PPP1R3F: variants seen among roughly 807,000 people sequenced by gnomAD.
The protein encoded by PPP1R3F is protein phosphatase 1 regulatory subunit 3F.
A neutral mutation model predicts 24.2 loss-of-function variants in PPP1R3F; 29 were observed. The ratio of observed to expected loss-of-function variants is 1.20; its 90% CI spans 0.89 to 1.63. The LOEUF (loss-of-function observed/expected upper bound fraction) is 1.63, where lower values mean the gene tolerates loss of function less well. Among genes scored for constraint, PPP1R3F ranks in the 40% most tolerant of loss-of-function variants. PPP1R3F has a pLI of 0.00. For missense variants in PPP1R3F, 823 were observed against 729.3 expected (o/e 1.13, Z -1.48); for synonymous variants, 363 against 340.1 (o/e 1.07, Z -0.74).
rs782392264 is a variant in PPP1R3F, at chrX:49,286,793, G to A, written c.2103G>A (p.Gly701=). 1 of 1,203,507 alleles carries A rather than the reference G, an allele frequency of 8.3e-7. No individual in the cohort carries two copies. The highest frequency in any genetic ancestry group is 1.1e-6 in the Non-Finnish European group (1 of 890,877). The change falls in exon 4 of 4, where the codon GGG becomes GGA. Residue 701 remains glycine (G), a synonymous_variant. Transcript: ENST00000055335. ...KEPASPVLLQ[G]QNPTLLSPLG... is the part of the protein sequence containing the mutation. The stretch of plus-strand genomic sequence containing the variant: ...CAGCCTCTCCCGTCCTTCTGCAGGG[G>A]CAAAATCCCACCCTCCTCAGTCCCT...
chrX:49,286,989 CTG>C lies in PPP1R3F; in HGVS notation c.2300_2301del (p.Leu767ArgfsTer52). The C allele has an allele frequency of 1.7e-6, 2 of 1,211,839 alleles. No homozygotes were observed. The highest frequency in any genetic ancestry group is 2.2e-6 in the Non-Finnish European group (2 of 895,465). On this transcript the variant is annotated frameshift_variant, in exon 4 of 4. Coordinates refer to ENST00000055335, the MANE Select transcript of PPP1R3F (RefSeq NM_033215.5). LOFTEE classifies it high-confidence loss of function. ...GCTCCGGGGGCCCTTGACCCAGACT[CTG>C]GGGGTCCTGGCCGGGCTAGTGGTGG... ...PQLRGPLTQT[L>X]GVLAGLVVVP... is the part of the protein sequence containing the mutation.
chrX:49,270,399 A>C lies in PPP1R3F; in HGVS notation c.530A>C (p.Lys177Thr). 6.0e-6 allele frequency: 7 copies of C among 1,172,334 alleles called. No individual in the cohort carries two copies. The highest frequency in any genetic ancestry group is 7.9e-6 in the Non-Finnish European group (7 of 881,717). The change falls in exon 1 of 4, where the codon AAG becomes ACG. Residue 177 changes from lysine (K) to threonine (T), a missense_variant. Lys to Thr is a moderately conservative substitution (Grantham distance 78, BLOSUM62 -1). Transcript: ENST00000055335. The stretch of plus-strand genomic sequence containing the variant: ...CGCGTGCTGAACCGCTCCTTCGAGA[A>C]GGCGGTGCACGTGCGGGCCTCACAC... ...LVRVLNRSFE[K>T]AVHVRASHDG...
intron 1 of PPP1R3F, among the ~76,000 whole-genome samples, chrX:49,271,931 A>G (rs2066182833): frequency 8.9e-6 from 1 of 112,190 alleles, no homozygotes; most frequent in South Asian, 3.7e-4. Flanking sequence ...CTATCAAGCT[A>G]TGAGTTCTTT....
chrX:49,282,112 A>C, intron 3 of PPP1R3F, 49 bp downstream of exon 3: 30 of 991,997 alleles, frequency 3.0e-5, no homozygotes, highest in Middle Eastern at 2.6e-4. Flanking sequence ...TAGGAGGCTC[A>C]CAGTGTGACT....
At chrX:49,279,405 C>T (rs1356605495) in intron 1 of PPP1R3F, among the ~76,000 whole-genome samples, 1 of 111,887 alleles carries the variant, frequency 8.9e-6, no homozygotes, top group South Asian at 3.7e-4. Context: ...TCAACCAGGC[C>T]GGGCACGGTG....
chrX:49,273,779 CTG>C (rs2066195637), intron 1 of PPP1R3F: 1 of 112,542 alleles, frequency 8.9e-6, no homozygotes, highest in Admixed American at 9.3e-5. Flanking sequence ...TGTAGGCCCT[CTG>C]TGCACTGAGC....
At chrX:49,285,785 T>C in intron 3 of PPP1R3F, 49 bp from the exon 4 acceptor site, 1 of 1,101,937 alleles carries the variant, frequency 9.1e-7, no homozygotes, top group South Asian at 2.5e-5. Flanking sequence ...CCTCCTCTGC[T>C]TCATTCCCTT....
chrX:49,286,205 G>T lies in PPP1R3F; in HGVS notation c.1515G>T (p.Ala505=). The change falls in exon 4 of 4, where the codon GCG becomes GCT. Residue 505 remains alanine, a synonymous_variant. Transcript: ENST00000055335. ...HLSRLRAAVA[A]GGAGGGGEGS... is the part of the protein sequence containing the mutation. ...GCCGCCTACGGGCTGCTGTGGCTGC[G>T]GGTGGGGCAGGGGGTGGTGGGGAGG... The T allele has an allele frequency of 8.3e-7, 1 of 1,206,432 alleles. No homozygotes were observed.
chrX:49,297,949 C>T (rs1180177269), intron 3 of PPP1R3F, among the ~76,000 whole-genome samples: 3 of 106,783 alleles, frequency 2.8e-5, no homozygotes, highest in Non-Finnish European at 3.8e-5. Flanking sequence ...TATAGCCCAC[C>T]GATGGGTCTT....
In PPP1R3F at chrX:49,288,055, A is replaced by G. The variant is rs1557121994; in HGVS notation, c.*965A>G. The G allele has an allele frequency of 8.9e-6, 1 of 112,201 alleles. No individual in the cohort carries two copies. Among genetic ancestry groups the G allele is most frequent in the Admixed American group, 9.5e-5 (1 of 10,574 alleles). 9.2% of individuals were successfully genotyped at this position (112,201 alleles called of 1,213,427 possible). On this transcript the variant is annotated 3_prime_UTR_variant, in exon 4 of 4. Coordinates refer to ENST00000055335, the MANE Select transcript of PPP1R3F (RefSeq NM_033215.5). ...CAGAAGCTTTGAAAGAAAGATATATATTTATTGCATGCAAATAAAAAACTG... is the reference window on the plus strand; with the variant it reads ...CAGAAGCTTTGAAAGAAAGATATATGTTTATTGCATGCAAATAAAAAACTG...
chrX:49,289,697 C>T (rs2066303181), downstream of PPP1R3F, among the ~76,000 whole-genome samples: 2 of 111,592 alleles, frequency 1.8e-5, no homozygotes, highest in Non-Finnish European at 3.8e-5. Flanking sequence ...GCCCAGAGGA[C>T]TTCTGGGATG....
rs782213252 is a variant in PPP1R3F at position 49,281,505 on chromosome X, A to G, written c.1060+44A>G. 8.7e-6 allele frequency: 9 copies of G among 1,039,839 alleles called. No individual in the cohort carries two copies. In the African/African-American group the frequency reaches 1.3e-4, roughly 15 times the overall value. The allele number at this position is 1,039,839 out of a possible 1,213,427, so 85.7% of individuals were successfully genotyped here. On this transcript the variant is annotated intron_variant, in intron 2 of 3. Transcript: ENST00000055335. Reference sequence around the variant, plus strand: ...TCGGAAGTTTTAGCTTGTATTTACCATGTCTTTCTTCCTACTGTTTTTCTT... The same window carrying G: ...TCGGAAGTTTTAGCTTGTATTTACCGTGTCTTTCTTCCTACTGTTTTTCTT...
chrX:49,270,584 C>A lies in PPP1R3F; in HGVS notation c.715C>A (p.Arg239Ser). 8.3e-7 allele frequency: 1 copy of A among 1,202,616 alleles called. No individual in the cohort carries two copies. Among genetic ancestry groups the A allele is most frequent in the Non-Finnish European group, 1.1e-6 (1 of 893,814 alleles). Residue 239 changes from arginine (R) to serine (S), a missense_variant, in exon 1 of 4, where the codon CGC becomes AGC. Physicochemically the swap from Arg to Ser is moderately radical, Grantham distance 110. Coordinates refer to ENST00000055335, the MANE Select transcript of PPP1R3F (RefSeq NM_033215.5). ...CGCCTCCTCGCCCGACGACGGCGGC[C>A]GCACCGACCGCTTTGCCTTCCAGCT... ...ASASSPDDGG[R>S]TDRFAFQLPF...
chrX:49,299,535 G>A (rs1452015871), intron 3 of PPP1R3F, among the ~76,000 whole-genome samples: 3 of 112,278 alleles, frequency 2.7e-5, no homozygotes, highest in Non-Finnish European at 5.6e-5. Context: ...GAGCTTGAGC[G>A]CTGTGCTGGG....
chrX:49,271,603 A>G (rs887033770), intron 1 of PPP1R3F, among the ~76,000 whole-genome samples: 1 of 112,576 alleles, frequency 8.9e-6, no homozygotes, highest in Admixed American at 9.3e-5. Context: ...AGAGCAGGAA[A>G]CCAGGATTCC....
Position 49,287,164 on chromosome X carries a change from G to C in PPP1R3F, c.*74G>C. On this transcript the variant is annotated 3_prime_UTR_variant, in exon 4 of 4. Transcript: ENST00000055335. ...TGCAGTGAGGGGACCTGGGTCCTTT[G>C]CTTCTGAGAATGCTCAACTGAAAGA... The C allele has an allele frequency of 2.9e-6, 3 of 1,050,051 alleles. No homozygotes were observed. Among genetic ancestry groups the C allele is most frequent in the Non-Finnish European group, 3.9e-6 (3 of 774,192 alleles). The allele number at this position is 1,050,051 out of a possible 1,213,427, so 86.5% of individuals were successfully genotyped here. A position where few individuals can be genotyped will look rare whatever the true frequency, so the allele number is the denominator to read the frequency against.
Position 49,286,713 on chromosome X carries a change from A to G in PPP1R3F, c.2023A>G (p.Ile675Val), listed in dbSNP as rs2066287765. 8.3e-7 allele frequency: 1 copy of G among 1,207,026 alleles called. No homozygotes were observed. The highest frequency in any genetic ancestry group is 1.1e-6 in the Non-Finnish European group (1 of 893,431). Residue 675 changes from isoleucine (I) to valine (V), a missense_variant, in exon 4 of 4, where the codon ATA (isoleucine) becomes GTA (valine). Coordinates refer to ENST00000055335, the MANE Select transcript of PPP1R3F (RefSeq NM_033215.5). ...SLGEAGTEAQ[I>V]EVTSEWAGSL... ...GGGGGAGGCCGGGACAGAAGCCCAGATAGAGGTCACCAGTGAGTGGGCAGG... is the reference window on the plus strand; with the variant it reads ...GGGGGAGGCCGGGACAGAAGCCCAGGTAGAGGTCACCAGTGAGTGGGCAGG...
chrX:49,297,436 G>C (rs1220840857), intron 3 of PPP1R3F, among the ~76,000 whole-genome samples: 1 of 109,951 alleles, frequency 9.1e-6, no homozygotes, highest in Non-Finnish European at 1.9e-5. Flanking sequence ...GGATGGTCTC[G>C]ATCTCCAGAC....
chrX:49,291,336 CCTT>C (rs2066308551), downstream of PPP1R3F, among the ~76,000 whole-genome samples: 21 of 86,182 alleles, frequency 2.4e-4, no homozygotes, highest in South Asian at 5.7e-4. Flanking sequence ...CTGTCTCTCT[CCTT>C]TCTTTCTTGA....
Sources: gnomAD v4.1 joint callset for allele counts (sites outside exome capture counted in the v4.1 genomes callset) on GRCh38, gnomAD v4.1.1 for gene constraint, MANE v1.5 for transcripts, NCBI Gene and HGNC (gene_info 2026-07-23, HGNC 2026-07-21) for gene names.